TXNDC16: variants seen among roughly 807,000 people sequenced by gnomAD.
The protein encoded by TXNDC16 is thioredoxin domain containing 16, also known as thioredoxin domain-containing protein 16.
In TXNDC16, 74 loss-of-function variants were observed where a neutral mutation model predicts 85.6. The ratio of observed to expected loss-of-function variants is 0.86; its 90% CI spans 0.72 to 1.05. The LOEUF (loss-of-function observed/expected upper bound fraction) is 1.05, where lower values mean the gene tolerates loss of function less well. Among genes scored for constraint, TXNDC16 ranks in the 50% least tolerant of loss-of-function variants. The pLI, the probability that TXNDC16 is intolerant of heterozygous loss-of-function variation, is 0.00. For missense variants in TXNDC16, 959 were observed against 947.0 expected (o/e 1.01, Z -0.17); for synonymous variants, 335 against 326.5 (o/e 1.03, Z -0.28).
At chr14:52,511,124 TA>T in intron 9 of TXNDC16, 115 bp downstream of exon 9, 1 of 851,930 alleles carries the variant, frequency 1.2e-6, no homozygotes, top group Non-Finnish European at 1.7e-6. Flanking sequence ...ATTCATCTAG[TA>T]AAACATGCAT....
In TXNDC16 at chr14:52,440,705, T is replaced by C. The variant is rs2035145098; in HGVS notation, c.1862A>G (p.Asn621Ser). The C allele has an allele frequency of 6.2e-7, 1 of 1,606,074 alleles. No individual in the cohort carries two copies. Among genetic ancestry groups the C allele is most frequent in the African/African-American group, 1.3e-5 (1 of 74,464 alleles). Residue 621 changes from asparagine to serine, a missense_variant, in exon 19 of 21, where the codon AAT becomes AGT. Coordinates refer to ENST00000281741, the MANE Select transcript of TXNDC16 (RefSeq NM_020784.3). ...LEMFPEITVE[N>S]LPSYFRLQKP... The stretch of plus-strand genomic sequence containing the variant: ...CTGAAGTCTGAAATAACTGGGAAGA[T>C]TTTCCACAGTGATTTCCGGCTGTCA...
Position 52,439,349 on chromosome 14 carries a change from A to G in TXNDC16, c.2049T>C (p.Asp683=). Residue 683 remains aspartate (D), a synonymous_variant, in exon 20 of 21, where the codon GAT becomes GAC. Coordinates refer to ENST00000281741, the MANE Select transcript of TXNDC16 (RefSeq NM_020784.3). ...CAAGAAGAGGAAGGGGAGGCAGAGG[A>G]TCAAAATATGCCCTCAAGATTCCTC... ...VGRGILRAYF[D]PLPPLPLLVL... is the part of the protein sequence containing the mutation. 1 of 1,614,026 alleles carries G rather than the reference A, an allele frequency of 6.2e-7. No homozygotes were observed. The highest frequency in any genetic ancestry group is 8.5e-7 in the Non-Finnish European group (1 of 1,179,962).
intron 9 of TXNDC16, among the ~76,000 whole-genome samples, chr14:52,503,729 G>C (rs1351112802): frequency 6.6e-6 from 1 of 152,212 alleles, no homozygotes; most frequent in African/African-American, 2.4e-5. Flanking sequence ...GACAGAGAAT[G>C]ACTTTCATGA....
rs563499353 is a variant in TXNDC16, at chr14:52,504,468, C to T, written c.756+6772G>A. On this transcript the variant is annotated intron_variant, in intron 9 of 20. Transcript: ENST00000281741. Reference sequence around the variant, plus strand: ...ACCCAGAATTTCATATCCAGCCAAACTAAGCTTCATAAGTGAAGGAGAAAT... The same window carrying T: ...ACCCAGAATTTCATATCCAGCCAAATTAAGCTTCATAAGTGAAGGAGAAAT... Among the ~76,000 whole-genome samples, 1,272 of 152,188 alleles carry T rather than the reference C, an allele frequency of 8.4e-3. 11 individuals are homozygous for T. The highest frequency in any genetic ancestry group is 0.027 in the Middle Eastern group (8 of 294).
intron 9 of TXNDC16, among the ~76,000 whole-genome samples, chr14:52,492,027 T>C (rs1438739891): frequency 6.6e-6 from 1 of 152,124 alleles, no homozygotes; most frequent in African/African-American, 2.4e-5. Flanking sequence ...ACAGGAAGGC[T>C]CTAAAATAAG....
intron 2 of TXNDC16, among the ~76,000 whole-genome samples, 194 bp from the exon 3 acceptor site, chr14:52,543,824 G>A (rs1277153274): frequency 6.6e-6 from 1 of 151,968 alleles, no homozygotes; most frequent in East Asian, 1.9e-4. Flanking sequence ...TTTCATACTT[G>A]CAAAAGATAT....
intron 18 of TXNDC16, among the ~76,000 whole-genome samples, chr14:52,449,167 A>AT (rs1203457502): frequency 1.3e-5 from 2 of 151,958 alleles, no homozygotes; most frequent in Non-Finnish European, 2.9e-5. Flanking sequence ...GATTAAAAAA[A>AT]AATAATAAGA....
At position 52,467,323 on chromosome 14, in the gene TXNDC16, T is replaced by C. The variant is rs199822468; in HGVS notation, c.1618+2714A>G. 3.9e-5 allele frequency among the ~76,000 whole-genome samples: 6 copies of C among 152,170 alleles called. No homozygotes were observed. In the East Asian group the frequency reaches 5.8e-4, roughly 15 times the overall value. On this transcript the variant is annotated intron_variant, in intron 16 of 20. Transcript: ENST00000281741. ...ATCAACAGAGTAAAAAAGCAATCTA[T>C]GGAATGAGAGAAAATATTTACAAAT...
chr14:52,432,560 G>T lies in TXNDC16; in HGVS notation c.2222C>A (p.Pro741His). The change falls in exon 21 of 21, where the codon CCT becomes CAT. Residue 741 changes from proline (P) to histidine (H), a missense_variant. Transcript: ENST00000281741. ...ITILPAQEWK[P>H]PLPAYDFLSM... ...TAGAAAATCATAAGCTGGAAGAGGA[G>T]GTTTCCATTCTTGAGCAGGTAAAAT... 1 of 1,610,306 alleles carries T rather than the reference G, an allele frequency of 6.2e-7. No homozygotes were observed. Among genetic ancestry groups the T allele is most frequent in the Non-Finnish European group, 8.5e-7 (1 of 1,178,572 alleles).
chr14:52,545,767 T>C (rs976246879), intron 1 of TXNDC16, among the ~76,000 whole-genome samples: 5 of 152,150 alleles, frequency 3.3e-5, no homozygotes, highest in African/African-American at 1.2e-4. Context: ...GGGAAGGATA[T>C]GTACCTTGTA....
In TXNDC16 at chr14:52,543,567, C is replaced by T. The variant is rs1481083441; in HGVS notation, c.-10G>A. On this transcript the variant is annotated 5_prime_UTR_variant, in exon 3 of 21. Coordinates refer to ENST00000281741, the MANE Select transcript of TXNDC16 (RefSeq NM_020784.3). ...TGAAGCCGGAAAACATTATCAGCTG[C>T]AGTTGTATCTGAGCGGATTTTGTCT... 4 of 1,612,178 alleles carry T rather than the reference C, an allele frequency of 2.5e-6. No individual in the cohort carries two copies. Among genetic ancestry groups the T allele is most frequent in the African/African-American group, 1.3e-5 (1 of 74,842 alleles).
At chr14:52,469,002 C>A (rs948912340) in intron 16 of TXNDC16, among the ~76,000 whole-genome samples, 1 of 151,880 alleles carries the variant, frequency 6.6e-6, no homozygotes, top group Non-Finnish European at 1.5e-5. Flanking sequence ...CAAAAATATT[C>A]TTCACATACA....
chr14:52,542,227 G>A, intron 4 of TXNDC16, 144 bp downstream of exon 4: 1 of 586,030 alleles, frequency 1.7e-6, no homozygotes, highest in South Asian at 2.6e-5. Flanking sequence ...TATCTTTCTG[G>A]GCTTCTGTTT....
At chr14:52,463,541 G>A (rs960036611) in intron 16 of TXNDC16, among the ~76,000 whole-genome samples, 7 of 152,254 alleles carry the variant, frequency 4.6e-5, no homozygotes, top group Admixed American at 2.6e-4. Context: ...AGGATTTACA[G>A]ACAGTAAGAG....
At chr14:52,542,479 G>C (rs1207273950) in intron 3 of TXNDC16, 26 bp from the exon 4 acceptor site, 1 of 1,522,434 alleles carries the variant, frequency 6.6e-7, no homozygotes. Context: ...TTTCATGAAT[G>C]TTTATGAATT....
intron 11 of TXNDC16, among the ~76,000 whole-genome samples, chr14:52,489,899 CA>C (rs1467116476): frequency 1.3e-5 from 2 of 152,146 alleles, no homozygotes; most frequent in African/African-American, 4.8e-5. Flanking sequence ...TGCAGTGGCA[CA>C]ATCATGGCTC....
chr14:52,432,642 CA>C lies in TXNDC16; in HGVS notation c.2195-56del. ...GATTAACAGCTATAAATCGTCACATCAACATATTAGAAAATGTTTTATTTTG... is the reference window on the plus strand; with the variant it reads ...GATTAACAGCTATAAATCGTCACATCACATATTAGAAAATGTTTTATTTTG... On this transcript the variant is annotated intron_variant, in intron 20 of 20. Transcript: ENST00000281741. 2.8e-6 allele frequency: 4 copies of C among 1,412,628 alleles called. No individual in the cohort carries two copies. The Middle Eastern group carries it at 7.0e-4, about 248-fold the overall frequency. The allele number at this position is 1,412,628 out of a possible 1,614,324, so 87.5% of individuals were successfully genotyped here.
At chr14:52,530,167 T>C (rs2037470948) in intron 6 of TXNDC16, among the ~76,000 whole-genome samples, 1 of 87,874 alleles carries the variant, frequency 1.1e-5, no homozygotes, top group Non-Finnish European at 1.9e-5. Context: ...TTTATATATA[T>C]TATATTATAT....
chr14:52,452,697 G>A (rs1010159156), intron 18 of TXNDC16, among the ~76,000 whole-genome samples: 6 of 152,000 alleles, frequency 3.9e-5, no homozygotes, highest in Admixed American at 1.3e-4. Flanking sequence ...GATTCCAGAC[G>A]TAAATCTAAG....
Sources: gnomAD v4.1 joint callset for allele counts (sites outside exome capture counted in the v4.1 genomes callset) on GRCh38, gnomAD v4.1.1 for gene constraint, MANE v1.5 for transcripts, NCBI Gene and HGNC (gene_info 2026-07-23, HGNC 2026-07-21) for gene names.